TTLL11: variants seen among roughly 807,000 people sequenced by gnomAD.
The protein encoded by TTLL11 is tubulin tyrosine ligase like 11.
Under a neutral mutation model 51.7 loss-of-function variants are expected in TTLL11, and 42 were observed. That is an observed-to-expected ratio of 0.81 (90% confidence interval 0.64 to 1.05). The LOEUF (loss-of-function observed/expected upper bound fraction) is 1.05. Ranked by LOEUF, TTLL11 falls within the 50% of genes least tolerant of loss-of-function variation. TTLL11 has a pLI of 0.00. For missense variants in TTLL11, 799 were observed against 940.4 expected (o/e 0.85, Z 1.97); for synonymous variants, 381 against 383.5 (o/e 0.99, Z 0.08).
intron 1 of TTLL11, among the ~76,000 whole-genome samples, chr9:122,078,538 A>C (rs915151539): frequency 6.6e-6 from 1 of 152,368 alleles, no homozygotes; most frequent in African/African-American, 2.4e-5. Flanking sequence ...TCAGTAGTGC[A>C]TAAAGTTCAA....
chr9:121,944,463 G>A (rs1022169858), intron 6 of TTLL11, among the ~76,000 whole-genome samples: 11 of 151,890 alleles, frequency 7.2e-5, no homozygotes, highest in East Asian at 3.9e-4. Flanking sequence ...AGCCGAGATC[G>A]CGCCACTGCA....
intron 3 of TTLL11, among the ~76,000 whole-genome samples, chr9:122,008,553 A>T (rs1248218960): frequency 6.6e-6 from 1 of 152,246 alleles, no homozygotes; most frequent in Non-Finnish European, 1.5e-5. Context: ...AGCTATTATC[A>T]AAAAGACATG....
intron 1 of TTLL11, among the ~76,000 whole-genome samples, chr9:122,082,366 G>A (rs1256504702): frequency 1.3e-5 from 2 of 152,082 alleles, no homozygotes; most frequent in Non-Finnish European, 1.5e-5. Flanking sequence ...GCTAGACATA[G>A]TGGCACACAC....
chr9:121,926,587 C>T (rs899968069), intron 6 of TTLL11, among the ~76,000 whole-genome samples: 1 of 152,180 alleles, frequency 6.6e-6, no homozygotes, highest in Non-Finnish European at 1.5e-5. Context: ...CTGGGGAGGA[C>T]AGCAGCTTGT....
chr9:122,011,069 GT>G (rs1230348038), intron 3 of TTLL11, among the ~76,000 whole-genome samples: 1 of 152,174 alleles, frequency 6.6e-6, no homozygotes, highest in African/African-American at 2.4e-5. Context: ...CATGGGGTCA[GT>G]TTTCCCCATA....
intron 1 of TTLL11, among the ~76,000 whole-genome samples, chr9:122,085,290 T>C (rs1191952857): frequency 2.6e-5 from 4 of 152,182 alleles, no homozygotes; most frequent in Non-Finnish European, 4.4e-5. Flanking sequence ...AAGTATGACA[T>C]AGGCACCAGG....
At chr9:121,831,043 G>A (rs1247947641) in intron 8 of TTLL11, among the ~76,000 whole-genome samples, 1 of 152,166 alleles carries the variant, frequency 6.6e-6, no homozygotes, top group African/African-American at 2.4e-5. Context: ...TACTGGATAT[G>A]GTCCGAGGGT....
At chr9:121,832,530 C>T (rs140644056) in intron 8 of TTLL11, among the ~76,000 whole-genome samples, 73 of 152,302 alleles carry the variant, frequency 4.8e-4, no homozygotes, top group African/African-American at 1.5e-3. Context: ...CCTTAGGAAG[C>T]GGGTATTGAC....
chr9:121,869,357 T>G (rs1237602006), intron 7 of TTLL11, among the ~76,000 whole-genome samples: 2 of 152,200 alleles, frequency 1.3e-5, no homozygotes, highest in African/African-American at 4.8e-5. Flanking sequence ...TGAATAAAGC[T>G]GTGAAAAGCA....
In TTLL11 at chr9:121,989,838, G is replaced by A; in HGVS notation, c.694-68C>T. The A allele has an allele frequency of 6.6e-7, 1 of 1,521,286 alleles. No individual in the cohort carries two copies. Among genetic ancestry groups the A allele is most frequent in the East Asian group, 2.3e-5 (1 of 44,220 alleles). The allele number at this position is 1,521,286 out of a possible 1,614,324, so 94.2% of individuals were successfully genotyped here. ...CTCTGGATCCCTAACACAGAGCAAG[G>A]CCTTAGCAAATGTGTGGTGAATGAG... On this transcript the variant is annotated intron_variant, in intron 3 of 8. Coordinates refer to ENST00000321582, the MANE Select transcript of TTLL11 (RefSeq NM_001139442.2). The surrounding 1 kb of genome is among the most constrained non-coding windows in gnomAD (Gnocchi z 4.2).
intron 4 of TTLL11, among the ~76,000 whole-genome samples, chr9:121,980,521 C>T (rs1450789276): frequency 1.3e-5 from 2 of 152,192 alleles, no homozygotes; most frequent in African/African-American, 2.4e-5. Context: ...GCTACCTTCC[C>T]ACCCACCTCA....
At chr9:122,026,326 T>C (rs1588215928) in intron 3 of TTLL11, among the ~76,000 whole-genome samples, 1 of 151,690 alleles carries the variant, frequency 6.6e-6, no homozygotes, top group Admixed American at 6.6e-5. Flanking sequence ...TAATCTCAGC[T>C]ACTCAGGAGG....
intron 6 of TTLL11, among the ~76,000 whole-genome samples, chr9:121,930,845 T>C (rs2131551827): frequency 6.6e-6 from 1 of 152,364 alleles, no homozygotes; most frequent in South Asian, 2.1e-4. Context: ...GCGCTGAGTT[T>C]GGCACTTAAT....
At chr9:121,906,346 A>T (rs200876787) in intron 6 of TTLL11, among the ~76,000 whole-genome samples, 1,256 of 16,522 alleles carry the variant, frequency 0.076, 10 homozygotes, top group East Asian at 0.27. Flanking sequence ...ATAATTTTTA[A>T]AAAAAAAAAA....
At chr9:122,004,960 G>A (rs1843598275) in intron 3 of TTLL11, among the ~76,000 whole-genome samples, 1 of 152,168 alleles carries the variant, frequency 6.6e-6, no homozygotes, top group Non-Finnish European at 1.5e-5. Flanking sequence ...CAGGAGACAT[G>A]GATACAATTT....
chr9:121,862,088 T>TCA (rs987554490), intron 7 of TTLL11, among the ~76,000 whole-genome samples: 2 of 151,916 alleles, frequency 1.3e-5, no homozygotes, highest in African/African-American at 4.8e-5. Flanking sequence ...GAGGCCACAG[T>TCA]AACCAGGTTT....
At chr9:122,090,763 A>G (rs1210921396) in intron 1 of TTLL11, among the ~76,000 whole-genome samples, 2 of 152,224 alleles carry the variant, frequency 1.3e-5, no homozygotes, top group African/African-American at 2.4e-5. Context: ...GGGAAACGAC[A>G]ATAAACAAGC....
intron 4 of TTLL11, among the ~76,000 whole-genome samples, chr9:121,985,708 G>T (rs117463022): frequency 0.035 from 5,244 of 151,844 alleles, 143 homozygotes; most frequent in South Asian, 0.058. Flanking sequence ...TTTTAGTAAA[G>T]ATGGGGTTTC....
chr9:122,045,481 G>A (rs1029191900), intron 1 of TTLL11, among the ~76,000 whole-genome samples: 2 of 152,252 alleles, frequency 1.3e-5, no homozygotes, highest in African/African-American at 4.8e-5. Context: ...AACCCAGGAA[G>A]CAGAGGTTGC....
Sources: gnomAD v4.1 joint callset for allele counts (sites outside exome capture counted in the v4.1 genomes callset) on GRCh38, gnomAD v4.1.1 for gene constraint, Gnocchi (gnomAD v3.1) non-coding constraint, MANE v1.5 for transcripts, NCBI Gene and HGNC (gene_info 2026-07-23, HGNC 2026-07-21) for gene names.